FHIT: variants seen among roughly 807,000 people sequenced by gnomAD.
FHIT encodes fragile histidine triad diadenosine triphosphatase.
A neutral mutation model predicts 17.9 loss-of-function variants in FHIT; 19 were observed. The ratio of observed to expected loss-of-function variants is 1.06; its 90% CI spans 0.74 to 1.56. FHIT has a LOEUF of 1.56. Among genes scored for constraint, FHIT ranks in the 40% most tolerant of loss-of-function variants. FHIT has a pLI of 0.00. For synonymous variants in FHIT, 81 were observed against 69.7 expected (o/e 1.16, Z -0.81); for missense variants, 248 against 189.2 (o/e 1.31, Z -1.82).
At chr3:60,589,186 A>G (rs2038000350) in intron 4 of FHIT, among the ~76,000 whole-genome samples, 1 of 152,018 alleles carries the variant, frequency 6.6e-6, no homozygotes, top group Non-Finnish European at 1.5e-5. Flanking sequence ...TAGAGAGAGA[A>G]AAAGTATAAC....
chr3:60,272,623 A>C (rs1706917128), intron 5 of FHIT, among the ~76,000 whole-genome samples: 1 of 152,226 alleles, frequency 6.6e-6, no homozygotes, highest in Non-Finnish European at 1.5e-5. Context: ...GAAGTTCTGA[A>C]CATTAATGAG....
rs138469824 is a variant in FHIT, at chr3:60,942,732, C to G, written c.-111+99315G>C. Among the ~76,000 whole-genome samples, 792 of 152,196 alleles carry G rather than the reference C, an allele frequency of 5.2e-3. 5 individuals are homozygous for G. Among genetic ancestry groups the G allele is most frequent in the Admixed American group, 8.3e-3 (127 of 15,306 alleles). The stretch of plus-strand genomic sequence containing the variant: ...AATATTTTTGTATTATTCCTTCCCT[C>G]TACTGTATTTGGGTTTACTCTGCTA... On this transcript the variant is annotated intron_variant, in intron 3 of 9. Transcript: ENST00000492590.
At chr3:60,251,902 C>G (rs1705730874) in intron 5 of FHIT, among the ~76,000 whole-genome samples, 1 of 152,168 alleles carries the variant, frequency 6.6e-6, no homozygotes, top group Admixed American at 6.5e-5. Flanking sequence ...TAACACGAGG[C>G]ATGTAATAGT....
intron 1 of FHIT, among the ~76,000 whole-genome samples, chr3:61,215,842 A>T (rs1047393326): frequency 6.6e-6 from 1 of 152,224 alleles, no homozygotes; most frequent in Non-Finnish European, 1.5e-5. Flanking sequence ...ATAATGCCGC[A>T]TATCTGCAAC....
chr3:60,369,055 G>A (rs941884483), intron 5 of FHIT, among the ~76,000 whole-genome samples: 6 of 151,842 alleles, frequency 4.0e-5, no homozygotes, highest in Admixed American at 6.6e-5. Context: ...TCACTGCAGT[G>A]TCAGCCTCCC....
At chr3:59,821,757 A>T (rs183574507) in intron 8 of FHIT, among the ~76,000 whole-genome samples, 14,357 of 148,810 alleles carry the variant, frequency 0.096, 756 homozygotes, top group South Asian at 0.18. Flanking sequence ...TTTTTTTTTA[A>T]AAAAAATATA....
intron 3 of FHIT, among the ~76,000 whole-genome samples, chr3:60,945,724 T>A (rs2107438428): frequency 6.6e-6 from 1 of 152,238 alleles, no homozygotes; most frequent in South Asian, 2.1e-4. Flanking sequence ...TGGATACAGG[T>A]AGGCTTGTAG....
At chr3:59,969,234 C>G (rs1234937417) in intron 7 of FHIT, among the ~76,000 whole-genome samples, 1 of 152,134 alleles carries the variant, frequency 6.6e-6, no homozygotes. Context: ...TCTCATGGTT[C>G]TTTCCTATGG....
chr3:59,851,059 C>T (rs939153720), intron 8 of FHIT, among the ~76,000 whole-genome samples: 1 of 152,198 alleles, frequency 6.6e-6, no homozygotes, highest in Non-Finnish European at 1.5e-5. Context: ...GATTTGGACA[C>T]TGATGATGAA....
intron 5 of FHIT, among the ~76,000 whole-genome samples, chr3:60,532,801 T>C (rs539087144): frequency 6.6e-6 from 1 of 152,330 alleles, no homozygotes; most frequent in East Asian, 1.9e-4. Context: ...GACAGTTCTT[T>C]TTCTTTCTCT....
rs559058937 is a variant in FHIT, at chr3:60,398,089, G to A, written c.103+138771C>T. On this transcript the variant is annotated intron_variant, in intron 5 of 9. Coordinates refer to ENST00000492590, the MANE Select transcript of FHIT (RefSeq NM_002012.4). ...ACTCTACTAACTCTCCAGTGTCCAC[G>A]AGCCTAATTCCTCCTGGTTGTGAGA... Among the ~76,000 whole-genome samples, 40 of 152,100 alleles carry A rather than the reference G, an allele frequency of 2.6e-4. 1 individual carries two copies. Among genetic ancestry groups the A allele is most frequent in the African/African-American group, 9.6e-4 (40 of 41,488 alleles).
intron 5 of FHIT, among the ~76,000 whole-genome samples, chr3:60,421,813 G>A (rs1424722611): frequency 6.6e-6 from 1 of 152,110 alleles, no homozygotes; most frequent in African/African-American, 2.4e-5. Context: ...TGAGAATTGG[G>A]AAAATACAGC....
chr3:60,989,858 G>A (rs1279216280), intron 3 of FHIT, among the ~76,000 whole-genome samples: 1 of 152,156 alleles, frequency 6.6e-6, no homozygotes, highest in African/African-American at 2.4e-5. Context: ...GCACTGCCTG[G>A]AGGTGGAAGC....
chr3:60,208,314 C>A (rs572212894), intron 5 of FHIT, among the ~76,000 whole-genome samples: 2 of 152,258 alleles, frequency 1.3e-5, no homozygotes, highest in African/African-American at 4.8e-5. Flanking sequence ...CAGAACTCGA[C>A]AAATTTTCTT....
intron 4 of FHIT, among the ~76,000 whole-genome samples, chr3:60,685,472 C>T (rs1331336743): frequency 6.6e-6 from 1 of 152,114 alleles, no homozygotes; most frequent in Non-Finnish European, 1.5e-5. Context: ...GCCTGGTACA[C>T]TCCGTTTGAA....
At chr3:60,195,843 C>T (rs1038081953) in intron 5 of FHIT, among the ~76,000 whole-genome samples, 3 of 120,296 alleles carry the variant, frequency 2.5e-5, no homozygotes, top group African/African-American at 6.5e-5. Context: ...CAAAGGCATA[C>T]AGAATGTTAT....
At chr3:59,788,960 T>TAAG (rs1015953394) in intron 8 of FHIT, among the ~76,000 whole-genome samples, 3 of 139,632 alleles carry the variant, frequency 2.1e-5, no homozygotes, top group African/African-American at 8.0e-5. Context: ...TTATGAATGT[T>TAAG]AAGAAGATTA....
At chr3:60,420,140 T>G (rs868856584) in intron 5 of FHIT, among the ~76,000 whole-genome samples, 3 of 152,182 alleles carry the variant, frequency 2.0e-5, no homozygotes, top group Non-Finnish European at 4.4e-5. Flanking sequence ...CCTTTCATTG[T>G]GCGTAAATAT....
chr3:60,723,788 T>C (rs762823770), intron 4 of FHIT, among the ~76,000 whole-genome samples: 1 of 152,188 alleles, frequency 6.6e-6, no homozygotes, highest in Non-Finnish European at 1.5e-5. Context: ...CAAGTGGTCT[T>C]GGGGACCACC....
Sources: gnomAD v4.1 joint callset for allele counts (sites outside exome capture counted in the v4.1 genomes callset) on GRCh38, gnomAD v4.1.1 for gene constraint, MANE v1.5 for transcripts, NCBI Gene and HGNC (gene_info 2026-07-23, HGNC 2026-07-21) for gene names.